VRTN: variants seen among roughly 807,000 people sequenced by gnomAD.
VRTN encodes the protein vertebrae development associated, also known as vertnin.
Under a neutral mutation model 18.2 loss-of-function variants are expected in VRTN, and 5 were observed. That is an observed-to-expected ratio of 0.27 (90% CI 0.14 to 0.58). The LOEUF is 0.58. Among genes scored for constraint, VRTN ranks in the 20% least tolerant of loss-of-function variants. The probability of loss-of-function intolerance (pLI) is 0.91; values close to 1 mark genes in which losing one functional copy is unlikely to be tolerated. For synonymous variants in VRTN, 381 were observed against 393.7 expected, an observed-to-expected ratio of 0.97 and a Z score of 0.38; for missense variants, 741 against 939.4, an observed-to-expected ratio of 0.79 and a Z score of 2.76.
chr14:74,356,013 G>A (rs2085725010), intron 1 of VRTN, among the ~76,000 whole-genome samples: 1 of 151,844 alleles, frequency 6.6e-6, no homozygotes, highest in African/African-American at 2.4e-5. Flanking sequence ...TGTATTTTTT[G>A]TAGAGATGGG....
chr14:74,337,153 G>A (rs1029450495), intron 1 of VRTN, among the ~76,000 whole-genome samples: 2 of 152,080 alleles, frequency 1.3e-5, no homozygotes, highest in South Asian at 4.1e-4. Context: ...GACCAGTCTG[G>A]TGAACATGGT....
intron 2 of VRTN, among the ~76,000 whole-genome samples, chr14:74,340,354 C>T (rs1436367236): frequency 2.0e-5 from 3 of 152,306 alleles, no homozygotes; most frequent in African/African-American, 7.2e-5. Flanking sequence ...TCAGGTGATC[C>T]ACCCACCTCG....
chr14:74,346,317 A>C (rs553420224), upstream of VRTN, among the ~76,000 whole-genome samples: 1 of 152,244 alleles, frequency 6.6e-6, no homozygotes, highest in South Asian at 2.1e-4. Context: ...AAAAGAAAAG[A>C]AAAGAAAGAT....
At chr14:74,314,993 G>T (rs2085410894) in intron 1 of VRTN, among the ~76,000 whole-genome samples, 1 of 152,142 alleles carries the variant, frequency 6.6e-6, no homozygotes, top group Non-Finnish European at 1.5e-5. Context: ...CTATTTCTAG[G>T]TTTTATGGCT....
At chr14:74,330,342 T>C (rs972212632) in intron 1 of VRTN, among the ~76,000 whole-genome samples, 4 of 152,116 alleles carry the variant, frequency 2.6e-5, no homozygotes. Flanking sequence ...CCCTGCTCTT[T>C]CTGGGGAAAA....
intron 1 of VRTN, among the ~76,000 whole-genome samples, chr14:74,349,494 A>G (rs1448300039): frequency 6.6e-6 from 1 of 152,146 alleles, no homozygotes; most frequent in East Asian, 1.9e-4. Flanking sequence ...GACTATAGAG[A>G]ACACAGCGCC....
Position 74,358,577 on chromosome 14 carries a change from TGTAGAG to T in VRTN, c.1796_1801del (p.Val599_Glu600del). 1.2e-6 allele frequency: 2 copies of T among 1,604,864 alleles called. No homozygotes were observed. The highest frequency in any genetic ancestry group is 8.5e-7 in the Non-Finnish European group (1 of 1,175,000). ...CACCTGTGGGGGCTTCTTCAGAAGA[TGTAGAG>T]GGAGGGCCTTCCAGAGAGGGGGCCC... On this transcript the variant is annotated inframe_deletion, in exon 2 of 2. Transcript: ENST00000256362. The surrounding 1 kb of genome is among the most constrained non-coding windows in gnomAD (Gnocchi z 5.4).
chr14:74,327,406 C>T (rs1313723112), intron 1 of VRTN, among the ~76,000 whole-genome samples: 2 of 152,158 alleles, frequency 1.3e-5, no homozygotes, highest in East Asian at 1.9e-4. Context: ...ACCTGTTTAC[C>T]GACTGTCTCC....
At chr14:74,343,650 C>T (rs73311216), upstream of VRTN, among the ~76,000 whole-genome samples, 2,721 of 152,194 alleles carry the variant, frequency 0.018, 82 homozygotes, top group African/African-American at 0.062. Flanking sequence ...GGAGTTCATG[C>T]TATCTCGGCT....
intron 1 of VRTN, among the ~76,000 whole-genome samples, chr14:74,336,929 A>C (rs1195732180): frequency 6.6e-6 from 1 of 150,756 alleles, no homozygotes; most frequent in Non-Finnish European, 1.5e-5. Flanking sequence ...CACTTACTTC[A>C]CTCTTACCTG....
At chr14:74,346,283 A>G (rs536525014), upstream of VRTN, among the ~76,000 whole-genome samples, 10 of 152,292 alleles carry the variant, frequency 6.6e-5, no homozygotes, top group African/African-American at 1.9e-4. Context: ...GCAGCAACAG[A>G]GTGAAACCCT....
intron 2 of VRTN, among the ~76,000 whole-genome samples, chr14:74,342,974 A>C (rs2085618103): frequency 6.6e-6 from 1 of 152,212 alleles, no homozygotes; most frequent in Admixed American, 6.6e-5. Flanking sequence ...AATGTAAATT[A>C]AAACTATACT....
chr14:74,358,992 G>T lies in VRTN; in HGVS notation c.*100G>T. 2 of 1,472,714 alleles carry T rather than the reference G, an allele frequency of 1.4e-6. No homozygotes were observed. The highest frequency in any genetic ancestry group is 2.4e-5 in the East Asian group (1 of 41,568). 91.2% of individuals were successfully genotyped at this position (1,472,714 alleles called of 1,614,324 possible). On this transcript the variant is annotated 3_prime_UTR_variant, in exon 2 of 2. Coordinates refer to ENST00000256362, the MANE Select transcript of VRTN (RefSeq NM_018228.3). The surrounding 1 kb of genome is among the most constrained non-coding windows in gnomAD (Gnocchi z 5.4). ...CTTGGCCAGGATGTCCTTTGCTCTG[G>T]GTCCCACAGTGTCTACCCTAAGTCC... is the stretch of plus-strand genomic sequence containing the variant.
intron 1 of VRTN, among the ~76,000 whole-genome samples, chr14:74,328,906 G>A (rs531753370): frequency 1.3e-3 from 202 of 152,284 alleles, no homozygotes; most frequent in African/African-American, 4.6e-3. Context: ...AGGCTGAAGT[G>A]GGCGGATCAC....
At chr14:74,304,337 G>A (rs547114657) in intron 1 of VRTN, among the ~76,000 whole-genome samples, 3 of 152,010 alleles carry the variant, frequency 2.0e-5, no homozygotes, top group African/African-American at 4.8e-5. Context: ...TGTATTTTTA[G>A]TAGAGACGTG....
chr14:74,337,290 C>T (rs1037338423), intron 1 of VRTN, among the ~76,000 whole-genome samples: 3 of 152,002 alleles, frequency 2.0e-5, no homozygotes, highest in African/African-American at 7.3e-5. Context: ...TTGCAGTGAG[C>T]CGAGATCGTG....
chr14:74,351,334 G>A (rs1348204478), intron 1 of VRTN, among the ~76,000 whole-genome samples: 2 of 151,880 alleles, frequency 1.3e-5, no homozygotes, highest in Non-Finnish European at 2.9e-5. Context: ...AAATATAAAA[G>A]GCATAAAAGT....
chr14:74,310,561 A>G (rs1432431405), intron 1 of VRTN, among the ~76,000 whole-genome samples: 2 of 137,680 alleles, frequency 1.5e-5, no homozygotes, highest in East Asian at 2.1e-4. Flanking sequence ...TTTTAAACAC[A>G]GAGTCTTGCT....
intron 2 of VRTN, among the ~76,000 whole-genome samples, chr14:74,340,085 G>A (rs1394075140): frequency 6.7e-6 from 1 of 149,026 alleles, no homozygotes; most frequent in Non-Finnish European, 1.5e-5. Flanking sequence ...ACAGGTGTGT[G>A]CCACCACACT....
Sources: gnomAD v4.1 joint callset for allele counts (sites outside exome capture counted in the v4.1 genomes callset) on GRCh38, gnomAD v4.1.1 for gene constraint, Gnocchi (gnomAD v3.1) non-coding constraint, MANE v1.5 for transcripts, NCBI Gene and HGNC (gene_info 2026-07-23, HGNC 2026-07-21) for gene names.